Variants in PACRG observed in about 807,000 individuals in gnomAD.
PACRG encodes the protein parkin coregulated, also known as parkin coregulated gene protein.
A neutral mutation model predicts 29.7 loss-of-function variants in PACRG; 29 were observed. The ratio of observed to expected loss-of-function variants is 0.98; its 90% CI spans 0.73 to 1.33. The LOEUF (loss-of-function observed/expected upper bound fraction) is 1.33. PACRG is among the 40% of genes most tolerant of loss of function. The probability of loss-of-function intolerance (pLI) is 0.00; values close to 1 mark genes in which losing one functional copy is unlikely to be tolerated. For synonymous variants in PACRG, 116 were observed against 118.7 expected, an observed-to-expected ratio of 0.98 and a Z score of 0.15; for missense variants, 279 against 316.2, an observed-to-expected ratio of 0.88 and a Z score of 0.89.
At position 162,749,717 on chromosome 6, in the gene PACRG, G is replaced by A. The variant is rs531742374; in HGVS notation, c.156+21326G>A. ...GTATTTTCAGTAGAGATGGGGTTTC[G>A]CCATGTTGGCCAGGCTGGTCTCGAA... On this transcript the variant is annotated intron_variant, in intron 1 of 4. Coordinates refer to ENST00000366888, the MANE Select transcript of PACRG (RefSeq NM_001080379.2). Among the ~76,000 whole-genome samples the A allele has an allele frequency of 7.2e-5, 11 of 151,980 alleles. No individual in the cohort carries two copies. In the South Asian group the frequency reaches 1.7e-3, roughly 23 times the overall value.
At chr6:163,218,641 CAGCA>C (rs1781460246) in intron 4 of PACRG, among the ~76,000 whole-genome samples, 1 of 152,202 alleles carries the variant, frequency 6.6e-6, no homozygotes, top group Admixed American at 6.5e-5. Context: ...CTCAAACTCC[CAGCA>C]ACACTCACCC....
At chr6:162,882,658 G>A (rs1254107269) in intron 2 of PACRG, among the ~76,000 whole-genome samples, 2 of 152,098 alleles carry the variant, frequency 1.3e-5, no homozygotes, top group Non-Finnish European at 2.9e-5. Context: ...GATGAGACTC[G>A]ACTCTGAACA....
chr6:163,074,646 G>GT (rs34770149), intron 3 of PACRG, among the ~76,000 whole-genome samples: 74,989 of 151,954 alleles, frequency 0.49, 21,222 homozygotes, highest in East Asian at 0.96. Flanking sequence ...TTGCATGCCT[G>GT]TAACAAAATA....
intron 4 of PACRG, among the ~76,000 whole-genome samples, chr6:163,240,481 A>G (rs6908925): frequency 0.17 from 26,560 of 152,000 alleles, 2,502 homozygotes; most frequent in South Asian, 0.3. Flanking sequence ...GTCTGTGAGT[A>G]CAGGGTGAGG....
intron 4 of PACRG, among the ~76,000 whole-genome samples, chr6:163,309,810 C>G (rs756890999): frequency 6.6e-6 from 1 of 152,166 alleles, no homozygotes; most frequent in Non-Finnish European, 1.5e-5. Context: ...TCGCTGTTCC[C>G]TTTGAGAGTG....
chr6:163,050,863 C>A (rs1369559785), intron 2 of PACRG, among the ~76,000 whole-genome samples: 1 of 152,146 alleles, frequency 6.6e-6, no homozygotes, highest in Admixed American at 6.5e-5. Context: ...GTGTCTAGAT[C>A]TGCATTTTCC....
intron 4 of PACRG, among the ~76,000 whole-genome samples, chr6:163,109,630 T>C (rs1815596752): frequency 6.6e-6 from 1 of 152,194 alleles, no homozygotes; most frequent in Non-Finnish European, 1.5e-5. Context: ...AAAATCAACT[T>C]CCTAAGCACC....
chr6:162,958,291 A>G (rs961674064), intron 2 of PACRG, among the ~76,000 whole-genome samples: 1 of 152,172 alleles, frequency 6.6e-6, no homozygotes, highest in African/African-American at 2.4e-5. Context: ...TTCATATTCT[A>G]TATTAATATT....
chr6:163,164,241 G>A (rs1261449016), intron 4 of PACRG, among the ~76,000 whole-genome samples: 1 of 152,206 alleles, frequency 6.6e-6, no homozygotes, highest in Admixed American at 6.5e-5. Context: ...CTCTGCAATA[G>A]CCATAATCTC....
chr6:162,799,091 A>AT (rs140935674), intron 1 of PACRG, among the ~76,000 whole-genome samples: 6,991 of 152,256 alleles, frequency 0.046, 213 homozygotes, highest in Middle Eastern at 0.13. Flanking sequence ...AGACTTGTTG[A>AT]TGGAGAGTGG....
chr6:163,277,254 C>T (rs1188614579), intron 4 of PACRG, among the ~76,000 whole-genome samples: 1 of 152,028 alleles, frequency 6.6e-6, no homozygotes, highest in Non-Finnish European at 1.5e-5. Context: ...TCCCTCACCA[C>T]CACGTACCCT....
chr6:162,964,341 T>C (rs1800861609), intron 2 of PACRG, among the ~76,000 whole-genome samples: 1 of 152,216 alleles, frequency 6.6e-6, no homozygotes, highest in African/African-American at 2.4e-5. Flanking sequence ...CTGATGACTT[T>C]TTGAACTATT....
intron 1 of PACRG, among the ~76,000 whole-genome samples, chr6:162,747,359 TATATACACATAC>T (rs1385667573): frequency 0.012 from 722 of 59,148 alleles, 49 homozygotes; most frequent in South Asian, 0.052. Flanking sequence ...TATATATATA[TATATACACATAC>T]ATATATATGT....
chr6:162,893,982 A>G (rs535090463), intron 2 of PACRG, among the ~76,000 whole-genome samples: 2 of 152,320 alleles, frequency 1.3e-5, no homozygotes, highest in Middle Eastern at 3.4e-3. Flanking sequence ...TAAAGAAATG[A>G]CAGTGAATGG....
intron 2 of PACRG, among the ~76,000 whole-genome samples, chr6:162,959,182 G>A (rs1445378233): frequency 6.6e-6 from 1 of 151,258 alleles, no homozygotes; most frequent in Admixed American, 6.6e-5. Context: ...GCCTACCAAA[G>A]CTCTGGGATT....
At chr6:162,884,488 G>A (rs966518137) in intron 2 of PACRG, among the ~76,000 whole-genome samples, 4 of 152,166 alleles carry the variant, frequency 2.6e-5, no homozygotes, top group African/African-American at 9.7e-5. Flanking sequence ...TGGGTAAAAT[G>A]TTAACAGTAG....
At chr6:163,169,929 G>A (rs912423462) in intron 4 of PACRG, among the ~76,000 whole-genome samples, 12 of 152,282 alleles carry the variant, frequency 7.9e-5, no homozygotes, top group East Asian at 1.9e-4. Context: ...GCTTGTGGAC[G>A]GCCACTTTCT....
chr6:163,107,461 C>T (rs886859691), intron 4 of PACRG, among the ~76,000 whole-genome samples: 5 of 152,152 alleles, frequency 3.3e-5, no homozygotes, highest in Non-Finnish European at 5.9e-5. Flanking sequence ...CAACCCTCAA[C>T]GAGTGGGCAG....
At chr6:163,158,845 CT>C in intron 4 of PACRG, among the ~76,000 whole-genome samples, 1 of 152,106 alleles carries the variant, frequency 6.6e-6, no homozygotes, top group Non-Finnish European at 1.5e-5. Flanking sequence ...CTAAACATGG[CT>C]TCTTTAGCTT....
Sources: gnomAD v4.1 joint callset for allele counts (sites outside exome capture counted in the v4.1 genomes callset) on GRCh38, gnomAD v4.1.1 for gene constraint, MANE v1.5 for transcripts, NCBI Gene and HGNC (gene_info 2026-07-23, HGNC 2026-07-21) for gene names.